Variants in AAGAB observed in about 807,000 individuals in gnomAD.
AAGAB encodes the protein alpha and gamma adaptin binding protein.
Under a neutral mutation model 44.1 loss-of-function variants are expected in AAGAB, and 38 were observed. The ratio of observed to expected loss-of-function variants is 0.86; its 90% CI spans 0.67 to 1.13. The LOEUF (loss-of-function observed/expected upper bound fraction) is 1.13, where lower values mean the gene tolerates loss of function less well. Ranked by LOEUF, AAGAB falls within the 50% of genes most tolerant of loss-of-function variation. The pLI is 0.00. For synonymous variants in AAGAB, 131 were observed against 131.8 expected, an observed-to-expected ratio of 0.99 and a Z score of 0.04; for missense variants, 450 against 373.8, an observed-to-expected ratio of 1.20 and a Z score of -1.68.
At chr15:67,217,430 T>G (rs907432691) in intron 5 of AAGAB, among the ~76,000 whole-genome samples, 2 of 152,262 alleles carry the variant, frequency 1.3e-5, no homozygotes, top group African/African-American at 2.4e-5. Context: ...AAATTTGTAT[T>G]TAATCATCAT....
At chr15:67,251,428 T>C (rs1964870582) in intron 1 of AAGAB, among the ~76,000 whole-genome samples, 1 of 152,130 alleles carries the variant, frequency 6.6e-6, no homozygotes, top group East Asian at 1.9e-4. Context: ...ACATTTTTAT[T>C]TTTATTTTGT....
In AAGAB at chr15:67,202,393, C is replaced by A. The variant is rs1963587938; in HGVS notation, c.*428G>T. On this transcript the variant is annotated 3_prime_UTR_variant, in exon 10 of 10. Transcript: ENST00000261880. ...GCATCATAGCTCAGAGCTACAAGCT[C>A]CTTGAATGGAGAAAACCCAAATCAC... is the stretch of plus-strand genomic sequence containing the variant. 1 of 163,342 alleles carries A rather than the reference C, an allele frequency of 6.1e-6. No homozygotes were observed. Among genetic ancestry groups the A allele is most frequent in the South Asian group, 1.8e-4 (1 of 5,702 alleles). The allele number at this position is 163,342 out of a possible 1,614,324, so 10.1% of individuals were successfully genotyped here. A position where few individuals can be genotyped will look rare whatever the true frequency, so the allele number is the denominator to read the frequency against.
At chr15:67,248,833 G>A (rs1964791797) in intron 1 of AAGAB, among the ~76,000 whole-genome samples, 1 of 152,118 alleles carries the variant, frequency 6.6e-6, no homozygotes, top group Admixed American at 6.5e-5. Context: ...GGACCGGAGG[G>A]TTATTTCTAT....
intron 5 of AAGAB, among the ~76,000 whole-genome samples, chr15:67,211,606 T>G (rs1270445008): frequency 6.6e-6 from 1 of 152,250 alleles, no homozygotes; most frequent in Non-Finnish European, 1.5e-5. Context: ...AGTGCTCTTA[T>G]AATATACTTT....
intron 5 of AAGAB, among the ~76,000 whole-genome samples, chr15:67,221,869 A>T (rs890235338): frequency 6.6e-6 from 1 of 152,122 alleles, no homozygotes; most frequent in African/African-American, 2.4e-5. Context: ...CCTCCATTTT[A>T]TGGATGTTGT....
intron 5 of AAGAB, among the ~76,000 whole-genome samples, chr15:67,225,120 A>G (rs1450773725): frequency 1.3e-5 from 2 of 152,222 alleles, no homozygotes; most frequent in African/African-American, 4.8e-5. Flanking sequence ...CTCAGGTAGC[A>G]TAGGTTTTAA....
Position 67,236,752 on chromosome 15 carries a change from T to G in AAGAB, c.142A>C (p.Thr48Pro). The change falls in exon 2 of 10, where the codon ACC becomes CCC. Residue 48 changes from threonine to proline, a missense_variant. By Grantham distance (38) the Thr-to-Pro change is conservative. Transcript: ENST00000261880. Reference sequence around the variant, plus strand: ...GCTGAATAGTATTTATTATCAATGGTCCAGGGATAAAATCTCACAGCATCA... The same window carrying G: ...GCTGAATAGTATTTATTATCAATGGGCCAGGGATAAAATCTCACAGCATCA... ...SNDAVRFYPWTIDNKYYSADI... is the reference protein window; with the variant it reads ...SNDAVRFYPWPIDNKYYSADI... 6.2e-7 allele frequency: 1 copy of G among 1,613,006 alleles called. No individual in the cohort carries two copies. The highest frequency in any genetic ancestry group is 8.5e-7 in the Non-Finnish European group (1 of 1,179,392).
intron 5 of AAGAB, among the ~76,000 whole-genome samples, chr15:67,223,331 C>G (rs1964125840): frequency 6.6e-6 from 1 of 152,196 alleles, no homozygotes; most frequent in Admixed American, 6.5e-5. Flanking sequence ...ATGTCAAACT[C>G]AACATGTCCA....
At chr15:67,207,925 AAG>A (rs1435401155) in intron 7 of AAGAB, among the ~76,000 whole-genome samples, 5 of 152,238 alleles carry the variant, frequency 3.3e-5, no homozygotes, top group Admixed American at 6.5e-5. Context: ...CATAAGAAAA[AAG>A]AGTTTTAAAA....
chr15:67,249,779 T>C (rs907108790), intron 1 of AAGAB, among the ~76,000 whole-genome samples: 5 of 152,210 alleles, frequency 3.3e-5, no homozygotes, highest in African/African-American at 1.2e-4. Flanking sequence ...AATCCTGAAT[T>C]TGAACATATG....
intron 1 of AAGAB, among the ~76,000 whole-genome samples, chr15:67,237,628 G>A (rs984592049): frequency 1.3e-5 from 2 of 151,956 alleles, no homozygotes; most frequent in African/African-American, 2.4e-5. Flanking sequence ...ATGTTATACA[G>A]TATTTACAAC....
intron 9 of AAGAB, 41 bp downstream of exon 9, chr15:67,203,507 C>T (rs554109653): frequency 2.5e-6 from 4 of 1,569,028 alleles, no homozygotes; most frequent in African/African-American, 1.4e-5. Context: ...AGCACTGGAC[C>T]TTTTATAGGT....
rs189020929 is a variant in AAGAB, at chr15:67,203,443, G to A, written c.870+105C>T. On this transcript the variant is annotated intron_variant, in intron 9 of 9. Transcript: ENST00000261880. ...GTTAGAAGTTAATATTCAATGAAAA[G>A]CTCACACTAAGACCCTTCAGAAATA... 1,018 of 937,768 alleles carry A rather than the reference G, an allele frequency of 1.1e-3. 27 individuals carry two copies. In the Admixed American group the frequency reaches 0.023, roughly 22 times the overall value. The allele number at this position is 937,768 out of a possible 1,614,324, so 58.1% of individuals were successfully genotyped here.
intron 7 of AAGAB, among the ~76,000 whole-genome samples, chr15:67,204,984 G>A (rs1454494189): frequency 6.6e-6 from 1 of 152,188 alleles, no homozygotes; most frequent in Admixed American, 6.5e-5. Context: ...GAGAGAATTT[G>A]CTTTGGATCT....
At chr15:67,225,420 T>C (rs1181372231) in intron 5 of AAGAB, among the ~76,000 whole-genome samples, 3 of 152,212 alleles carry the variant, frequency 2.0e-5, no homozygotes, top group African/African-American at 7.2e-5. Context: ...TTAATTTACA[T>C]ATCATAAAAT....
chr15:67,254,725 C>G (rs1331283853), upstream of AAGAB: 3 of 1,398,390 alleles, frequency 2.1e-6, no homozygotes, highest in African/African-American at 1.4e-5. Flanking sequence ...CCGGAGAGGG[C>G]GTTCTCGGAA....
rs922589765 is a variant in AAGAB, at chr15:67,219,038, T to C, written c.536-9494A>G. On this transcript the variant is annotated intron_variant, in intron 5 of 9. Coordinates refer to ENST00000261880, the MANE Select transcript of AAGAB (RefSeq NM_024666.5). ...CGTACCTTTAATGCATAGCGGAAAC[T>C]GTGACTTCCCTAGAAGTTTGACCAT... Among the ~76,000 whole-genome samples, 4 of 152,316 alleles carry C rather than the reference T, an allele frequency of 2.6e-5. No homozygotes were observed. The South Asian group carries it at 6.2e-4, about 24-fold the overall frequency.
intron 5 of AAGAB, among the ~76,000 whole-genome samples, chr15:67,223,252 A>C (rs948303937): frequency 1.3e-5 from 2 of 152,066 alleles, no homozygotes; most frequent in African/African-American, 4.8e-5. Context: ...CAAACTCCAA[A>C]ATCTCTCCAA....
In AAGAB at chr15:67,202,855, T is replaced by G; in HGVS notation, c.914A>C (p.Glu305Ala). 6.2e-7 allele frequency: 1 copy of G among 1,614,104 alleles called. No homozygotes were observed. The highest frequency in any genetic ancestry group is 8.5e-7 in the Non-Finnish European group (1 of 1,179,964). The change falls in exon 10 of 10, where the codon GAA becomes GCA. Residue 305 changes from glutamate (E) to alanine (A), a missense_variant. Coordinates refer to ENST00000261880, the MANE Select transcript of AAGAB (RefSeq NM_024666.5). ...FWMAIGGDRDEIEGLSSDEEH is the reference protein window; with the variant it reads ...FWMAIGGDRDAIEGLSSDEEH ...TTCATCAGATGAAAGGCCTTCAATT[T>G]CATCTCTGTCTCCCCCGATTGCCAT...
Sources: gnomAD v4.1 joint callset for allele counts (sites outside exome capture counted in the v4.1 genomes callset) on GRCh38, gnomAD v4.1.1 for gene constraint, MANE v1.5 for transcripts, NCBI Gene and HGNC (gene_info 2026-07-23, HGNC 2026-07-21) for gene names.